Variants in GALNT13 observed in about 807,000 individuals in gnomAD.
The protein encoded by GALNT13 is UDP-GalNAc:polypeptide N-acetylgalactosaminyltransferase 13.
A neutral mutation model predicts 64.2 loss-of-function variants in GALNT13; 28 were observed. That is an observed-to-expected ratio of 0.44 (90% CI 0.32 to 0.60). GALNT13 has a LOEUF of 0.60. Among genes scored for constraint, GALNT13 ranks in the 20% least tolerant of loss-of-function variants. The probability of loss-of-function intolerance (pLI) is 0.05; values close to 1 mark genes in which losing one functional copy is unlikely to be tolerated. For synonymous variants in GALNT13, 214 were observed against 224.6 expected (o/e 0.95, Z 0.42); for missense variants, 577 against 669.8 (o/e 0.86, Z 1.53).
chr2:153,614,151 C>G, the GALNT13 span, among the ~76,000 whole-genome samples: 1 of 151,808 alleles, frequency 6.6e-6, no homozygotes, highest in African/African-American at 2.4e-5. Context: ...ACAGTGAACT[C>G]TAAAAACCCA....
chr2:154,281,275 A>C (rs1400975269), intron 8 of GALNT13, among the ~76,000 whole-genome samples: 14 of 152,108 alleles, frequency 9.2e-5, no homozygotes, highest in Admixed American at 8.5e-4. Context: ...ATGGCCTTAC[A>C]TTTTTTATTT....
At chr2:153,535,964 G>T in the GALNT13 span, among the ~76,000 whole-genome samples, 1 of 152,154 alleles carries the variant, frequency 6.6e-6, no homozygotes, top group African/African-American at 2.4e-5. Context: ...TACCTATCCA[G>T]TGAAAGTATC....
the GALNT13 span, among the ~76,000 whole-genome samples, chr2:153,118,099 C>G: frequency 1.1e-5 from 1 of 93,382 alleles, no homozygotes; most frequent in East Asian, 3.0e-4. Flanking sequence ...TATAATGTCA[C>G]TATGTACCAA....
the GALNT13 span, among the ~76,000 whole-genome samples, chr2:153,676,125 T>A: frequency 5.9e-5 from 9 of 151,890 alleles, no homozygotes; most frequent in East Asian, 1.7e-3. Flanking sequence ...TCTAGATTAA[T>A]AATGAAAAAA....
the GALNT13 span, among the ~76,000 whole-genome samples, chr2:153,836,401 T>G: frequency 6.6e-6 from 1 of 152,078 alleles, no homozygotes; most frequent in African/African-American, 2.4e-5. Context: ...GTCATCATGC[T>G]ACACATTAGA....
the GALNT13 span, among the ~76,000 whole-genome samples, chr2:153,110,014 T>C: frequency 2.0e-5 from 3 of 152,142 alleles, no homozygotes; most frequent in South Asian, 4.1e-4. Flanking sequence ...ACATCTGTTT[T>C]ATCTCTGTGT....
the GALNT13 span, among the ~76,000 whole-genome samples, chr2:153,454,505 C>A: frequency 6.6e-6 from 1 of 152,102 alleles, no homozygotes; most frequent in Admixed American, 6.5e-5. Context: ...CTGAAACAAC[C>A]TATAAAAAAC....
At chr2:153,257,797 A>T in the GALNT13 span, among the ~76,000 whole-genome samples, 3 of 152,204 alleles carry the variant, frequency 2.0e-5, no homozygotes, top group Non-Finnish European at 4.4e-5. Flanking sequence ...AAGTGCTATA[A>T]AATGTTTTCT....
chr2:153,885,006 T>TC (rs1167645777), intron 1 of GALNT13, among the ~76,000 whole-genome samples: 4 of 149,024 alleles, frequency 2.7e-5, no homozygotes, highest in African/African-American at 9.9e-5. Flanking sequence ...ACCATTGCAC[T>TC]CCAGCCTGGC....
At chr2:153,635,845 T>G in the GALNT13 span, among the ~76,000 whole-genome samples, 150 of 151,330 alleles carry the variant, frequency 9.9e-4, no homozygotes, top group Non-Finnish European at 1.6e-3. Context: ...TAGTATCATG[T>G]TTTTTTTTGT....
intron 3 of GALNT13, among the ~76,000 whole-genome samples, chr2:153,980,949 A>G (rs1020172776): frequency 6.6e-6 from 1 of 152,248 alleles, no homozygotes; most frequent in Admixed American, 6.5e-5. Flanking sequence ...AAGGAGCTTT[A>G]CTTTTATGTA....
chr2:153,808,281 T>G, the GALNT13 span, among the ~76,000 whole-genome samples: 2 of 152,122 alleles, frequency 1.3e-5, no homozygotes, highest in Non-Finnish European at 2.9e-5. Context: ...TTAGGCTATT[T>G]TTTTCCCACG....
chr2:153,872,846 A>C (rs918397323), intron 1 of GALNT13, among the ~76,000 whole-genome samples: 1 of 151,662 alleles, frequency 6.6e-6, no homozygotes, highest in Non-Finnish European at 1.5e-5. Context: ...GCTTTTTCAG[A>C]GTCCTCTTGC....
At chr2:154,410,625 A>G (rs1391253421) in intron 11 of GALNT13, among the ~76,000 whole-genome samples, 1 of 151,924 alleles carries the variant, frequency 6.6e-6, no homozygotes, top group African/African-American at 2.4e-5. Flanking sequence ...CCCTAGTACA[A>G]CAAAACACTG....
At chr2:153,246,317 C>T in the GALNT13 span, among the ~76,000 whole-genome samples, 4 of 152,106 alleles carry the variant, frequency 2.6e-5, no homozygotes, top group South Asian at 2.1e-4. Context: ...AGATAGTCCT[C>T]GAAGAGATCA....
the GALNT13 span, among the ~76,000 whole-genome samples, chr2:153,244,220 A>T: frequency 6.6e-6 from 1 of 152,068 alleles, no homozygotes; most frequent in Non-Finnish European, 1.5e-5. Context: ...TTTCTTTTCT[A>T]TCATTTTGGA....
At chr2:153,383,978 C>T in the GALNT13 span, among the ~76,000 whole-genome samples, 1 of 149,994 alleles carries the variant, frequency 6.7e-6, no homozygotes, top group Admixed American at 6.7e-5. Context: ...AAGATATTGA[C>T]CTTGGGGCAG....
At chr2:153,750,333 G>T in the GALNT13 span, among the ~76,000 whole-genome samples, 1 of 151,644 alleles carries the variant, frequency 6.6e-6, no homozygotes, top group African/African-American at 2.4e-5. Flanking sequence ...GGTAATACTG[G>T]CCTCATAGAA....
intron 11 of GALNT13, among the ~76,000 whole-genome samples, chr2:154,432,469 G>A (rs915427621): frequency 1.3e-5 from 2 of 152,186 alleles, no homozygotes; most frequent in East Asian, 1.9e-4. Flanking sequence ...TGCTGGAGCT[G>A]TTGTATCAAA....
Sources: allele counts gnomAD v4.1 joint callset (sites outside exome capture counted in the v4.1 genomes callset), GRCh38; gene constraint gnomAD v4.1.1; transcripts MANE v1.5; gene names NCBI Gene and HGNC (gene_info 2026-07-23, HGNC 2026-07-21).